Variants in RYR2 observed in about 807,000 individuals in gnomAD.
RYR2 encodes the protein ryanodine receptor 2.
A neutral mutation model predicts 601.1 loss-of-function variants in RYR2; 227 were observed. The ratio of observed to expected loss-of-function variants is 0.38; its 90% CI spans 0.34 to 0.42. The LOEUF (loss-of-function observed/expected upper bound fraction) is 0.42, where lower values mean the gene tolerates loss of function less well. RYR2 is among the 10% of genes least tolerant of loss of function. The pLI is 1.00. For synonymous variants in RYR2, 2,223 were observed against 2,175.1 expected, an observed-to-expected ratio of 1.02 and a Z score of -0.61; for missense variants, 4,646 against 6,156.5, an observed-to-expected ratio of 0.75 and a Z score of 8.21.
chr1:237,299,127 C>CTTTTTTTTTTTTTTTTTTTTTTTTT, intron 2 of RYR2, among the ~76,000 whole-genome samples: 1 of 145,406 alleles, frequency 6.9e-6, no homozygotes, highest in Non-Finnish European at 1.5e-5. Context: ...TTCCTAGAGT[C>CTTTTTTTTTTTTTTTTTTTTTTTTT]TTTTTTTTTT....
chr1:237,641,990 A>AG (rs1681607613), intron 47 of RYR2, among the ~76,000 whole-genome samples: 2 of 152,138 alleles, frequency 1.3e-5, no homozygotes, highest in Admixed American at 1.3e-4. Flanking sequence ...TTAAAAAAAA[A>AG]TCCTGGCCCA....
chr1:237,658,854 TTG>T (rs1558158914), intron 54 of RYR2, among the ~76,000 whole-genome samples: 1 of 152,242 alleles, frequency 6.6e-6, no homozygotes. Context: ...GGTGATTTTT[TTG>T]TGTGTTTTCA....
chr1:237,284,358 C>T (rs983804868), intron 2 of RYR2, among the ~76,000 whole-genome samples: 8 of 141,680 alleles, frequency 5.6e-5, no homozygotes, highest in African/African-American at 1.1e-4. Flanking sequence ...CCTGCCTGGG[C>T]GACAACAGTG....
chr1:237,819,636 A>G lies in RYR2; in HGVS notation c.14590+444A>G, dbSNP rs1004227540. Reference sequence around the variant, plus strand: ...GGAGCTCGAGACCAGCCTGACCAACATGGTAAACCCCATCTCTACTAAAAA... The same window carrying G: ...GGAGCTCGAGACCAGCCTGACCAACGTGGTAAACCCCATCTCTACTAAAAA... On this transcript the variant is annotated intron_variant, in intron 101 of 104. Transcript: ENST00000366574. This position sits in a 1 kb window ranked among gnomAD's most constrained non-coding sequence, Gnocchi z 4.0. 2.6e-5 allele frequency among the ~76,000 whole-genome samples: 4 copies of G among 151,820 alleles called. No homozygotes were observed. Among genetic ancestry groups the G allele is most frequent in the Admixed American group, 6.6e-5 (1 of 15,258 alleles).
At position 237,781,658 on chromosome 1, in the gene RYR2, T is replaced by A. The variant is rs777380712; in HGVS notation, c.11962+12T>A. ...GTCCATGTTAGAAGGTAGTTTTGAT[T>A]TATACTTTTAAATTCTCTTTATTAT... On this transcript the variant is annotated intron_variant, in intron 89 of 104. Transcript: ENST00000366574. The A allele has an allele frequency of 4.2e-6, 6 of 1,415,744 alleles. 1 individual carries two copies. Among genetic ancestry groups the A allele is most frequent in the Non-Finnish European group, 5.9e-6 (6 of 1,015,846 alleles). The allele number at this position is 1,415,744 out of a possible 1,614,324, so 87.7% of individuals were successfully genotyped here.
At chr1:237,392,843 C>G (rs551040011) in intron 10 of RYR2, among the ~76,000 whole-genome samples, 3 of 152,024 alleles carry the variant, frequency 2.0e-5, no homozygotes, top group Non-Finnish European at 4.4e-5. Flanking sequence ...TTTGCAATGT[C>G]GAAACTTTTT....
chr1:237,503,190 A>C, intron 21 of RYR2, 99 bp from the exon 22 acceptor site: 1 of 1,076,004 alleles, frequency 9.3e-7, no homozygotes, highest in Non-Finnish European at 1.4e-6. Context: ...CTTCTGATAA[A>C]ATACTTTTGT....
intron 2 of RYR2, among the ~76,000 whole-genome samples, chr1:237,298,836 C>T (rs560641513): frequency 6.6e-6 from 1 of 152,024 alleles, no homozygotes; most frequent in Admixed American, 6.5e-5. Context: ...CCCGTTTCTA[C>T]AAAAAATTAG....
intron 16 of RYR2, among the ~76,000 whole-genome samples, chr1:237,465,883 C>A (rs1232539615): frequency 1.3e-5 from 2 of 152,178 alleles, no homozygotes; most frequent in African/African-American, 4.8e-5. Context: ...GTCTTATGGT[C>A]TTAAGGGATG....
At chr1:237,171,295 T>C (rs1254387714) in intron 1 of RYR2, among the ~76,000 whole-genome samples, 1 of 152,048 alleles carries the variant, frequency 6.6e-6, no homozygotes, top group Non-Finnish European at 1.5e-5. Context: ...TGCTTTAAAA[T>C]GTCAGTAACA....
At chr1:237,493,812 A>T (rs1027879530) in intron 19 of RYR2, among the ~76,000 whole-genome samples, 17 of 152,190 alleles carry the variant, frequency 1.1e-4, no homozygotes, top group African/African-American at 4.1e-4. Flanking sequence ...TCCAAAATGT[A>T]ATAAATTATG....
chr1:237,092,709 T>C (rs1488265554), intron 1 of RYR2, among the ~76,000 whole-genome samples: 1 of 152,056 alleles, frequency 6.6e-6, no homozygotes, highest in Non-Finnish European at 1.5e-5. Flanking sequence ...TTTGTATTTT[T>C]AGTTGAGATG....
At chr1:237,726,817 G>A (rs1690241684) in intron 75 of RYR2, among the ~76,000 whole-genome samples, 1 of 152,090 alleles carries the variant, frequency 6.6e-6, no homozygotes, top group African/African-American at 2.4e-5. Flanking sequence ...TAGCTTTGAA[G>A]TACACAGTAT....
chr1:237,335,953 C>G (rs962167245), intron 3 of RYR2, among the ~76,000 whole-genome samples: 2 of 151,948 alleles, frequency 1.3e-5, no homozygotes, highest in African/African-American at 4.8e-5. Flanking sequence ...TTAAATAAAT[C>G]CAATTCTAAT....
At chr1:237,817,809 G>A (rs1662001796) in intron 100 of RYR2, among the ~76,000 whole-genome samples, 1 of 152,190 alleles carries the variant, frequency 6.6e-6, no homozygotes. Flanking sequence ...GTGTTTCTGT[G>A]TTAAGGCTTT....
intron 3 of RYR2, among the ~76,000 whole-genome samples, chr1:237,342,104 T>C (rs1488449791): frequency 1.3e-5 from 2 of 152,066 alleles, no homozygotes; most frequent in Non-Finnish European, 2.9e-5. Context: ...ATTTCATCTC[T>C]GATTTGAAGA....
At chr1:237,251,579 G>C (rs1017695660) in intron 1 of RYR2, among the ~76,000 whole-genome samples, 1 of 152,110 alleles carries the variant, frequency 6.6e-6, no homozygotes, top group African/African-American at 2.4e-5. Context: ...TAATGTTGGT[G>C]TGCACCAGGG....
At chr1:237,339,588 G>C (rs1413867731) in intron 3 of RYR2, among the ~76,000 whole-genome samples, 4 of 152,028 alleles carry the variant, frequency 2.6e-5, no homozygotes, top group Admixed American at 1.3e-4. Flanking sequence ...ATACTGTCTT[G>C]TCATCTTTTA....
At chr1:237,716,315 A>G (rs1689259746) in intron 71 of RYR2, among the ~76,000 whole-genome samples, 1 of 152,042 alleles carries the variant, frequency 6.6e-6, no homozygotes, top group African/African-American at 2.4e-5. Context: ...GCCCAAGACT[A>G]TTACAATGTA....
Sources: allele counts gnomAD v4.1 joint callset (sites outside exome capture counted in the v4.1 genomes callset), GRCh38; gene constraint gnomAD v4.1.1; non-coding constraint Gnocchi (gnomAD v3.1); transcripts MANE v1.5; gene names NCBI Gene and HGNC (gene_info 2026-07-23, HGNC 2026-07-21).